The following VEZT variants were observed in gnomAD, a reference collection of about 807,000 sequenced individuals.
VEZT encodes vezatin.
VEZT carries 39 observed loss-of-function variants against 79.9 expected under a neutral mutation model. That is an observed-to-expected ratio of 0.49 (90% CI 0.38 to 0.64). The LOEUF is 0.64. Ranked by LOEUF, VEZT falls within the 30% of genes least tolerant of loss-of-function variation. The pLI, the probability that VEZT is intolerant of heterozygous loss-of-function variation, is 0.00. For synonymous variants in VEZT, 325 were observed against 327.6 expected, an observed-to-expected ratio of 0.99 and a Z score of 0.09; for missense variants, 837 against 893.1, an observed-to-expected ratio of 0.94 and a Z score of 0.80.
At chr12:95,243,732 T>A (rs1304003198) in intron 1 of VEZT, among the ~76,000 whole-genome samples, 6 of 152,174 alleles carry the variant, frequency 3.9e-5, no homozygotes, top group Non-Finnish European at 8.8e-5. Context: ...ATGGGAGGCA[T>A]TTAGGTCACG....
At chr12:95,257,684 T>A (rs921691224) in intron 3 of VEZT, among the ~76,000 whole-genome samples, 3 of 152,174 alleles carry the variant, frequency 2.0e-5, no homozygotes, top group African/African-American at 7.2e-5. Context: ...GGGAAATACT[T>A]CAACCTTCTG....
chr12:95,251,885 A>T, intron 1 of VEZT, 55 bp from the exon 2 acceptor site: 1 of 1,566,048 alleles, frequency 6.4e-7, no homozygotes, highest in South Asian at 1.2e-5. Context: ...TTGGCCCCCG[A>T]AACTTTTGAA....
At chr12:95,281,003 T>C (rs1296061274) in intron 7 of VEZT, among the ~76,000 whole-genome samples, 2 of 152,230 alleles carry the variant, frequency 1.3e-5, no homozygotes, top group Non-Finnish European at 2.9e-5. Context: ...GGCATAATTT[T>C]AAAATTCATT....
chr12:95,284,998 A>G (rs1414535178), intron 8 of VEZT, among the ~76,000 whole-genome samples: 1 of 148,676 alleles, frequency 6.7e-6, no homozygotes, highest in Non-Finnish European at 1.5e-5. Context: ...AGGCAGGAGA[A>G]TGGTGTGAAC....
At chr12:95,263,219 G>A in intron 4 of VEZT, 138 bp downstream of exon 4, 1 of 844,560 alleles carries the variant, frequency 1.2e-6, no homozygotes. Flanking sequence ...CAATATGGGG[G>A]GAAAAAGTGC....
At chr12:95,249,047 A>G (rs533571661) in intron 1 of VEZT, among the ~76,000 whole-genome samples, 1 of 152,154 alleles carries the variant, frequency 6.6e-6, no homozygotes, top group Non-Finnish European at 1.5e-5. Flanking sequence ...CTATAAATAA[A>G]GTTTTATTGG....
intron 4 of VEZT, among the ~76,000 whole-genome samples, chr12:95,265,748 G>A (rs1210561654): frequency 6.6e-6 from 1 of 152,096 alleles, no homozygotes; most frequent in Non-Finnish European, 1.5e-5. Flanking sequence ...AATCTTCACA[G>A]AAGACTTGGT....
intron 3 of VEZT, among the ~76,000 whole-genome samples, chr12:95,257,628 T>G (rs1162458698): frequency 2.6e-5 from 4 of 152,162 alleles, no homozygotes; most frequent in Admixed American, 1.3e-4. Context: ...GTGATTTTTG[T>G]GAGGCTTTGT....
chr12:95,274,270 G>C (rs2067187407), intron 6 of VEZT, among the ~76,000 whole-genome samples: 1 of 152,154 alleles, frequency 6.6e-6, no homozygotes, highest in South Asian at 2.1e-4. Context: ...TTCAAGACCA[G>C]CCTGGACAAC....
intron 4 of VEZT, among the ~76,000 whole-genome samples, 185 bp downstream of exon 4, chr12:95,263,266 G>GA (rs1276049670): frequency 2.0e-5 from 3 of 152,032 alleles, no homozygotes; most frequent in Non-Finnish European, 2.9e-5. Context: ...TGAAGCTAGG[G>GA]AAAAAAATCC....
intron 1 of VEZT, among the ~76,000 whole-genome samples, chr12:95,246,129 CT>C (rs918460725): frequency 1.8e-4 from 26 of 146,966 alleles, no homozygotes; most frequent in South Asian, 2.1e-4. Context: ...TTTTCTTTTT[CT>C]TTTTTTTTTT....
rs2075267629 is a variant in VEZT, at chr12:95,302,023, CT to C, written c.*1351del. The stretch of plus-strand genomic sequence containing the variant: ...ATCCTGGAACTCATCTATAATTAAC[CT>C]CTTCGGAGCAATACCTTAGGTTGGG... On this transcript the variant is annotated 3_prime_UTR_variant, in exon 12 of 12. Coordinates refer to ENST00000436874, the MANE Select transcript of VEZT (RefSeq NM_017599.4). 1 of 152,124 alleles carries C rather than the reference CT, an allele frequency of 6.6e-6. No individual in the cohort carries two copies. The highest frequency in any genetic ancestry group is 6.5e-5 in the Admixed American group (1 of 15,270). 9.4% of individuals were successfully genotyped at this position (152,124 alleles called of 1,614,324 possible).
chr12:95,234,816 GTT>G (rs2059795270), intron 1 of VEZT, among the ~76,000 whole-genome samples: 1 of 152,180 alleles, frequency 6.6e-6, no homozygotes, highest in Non-Finnish European at 1.5e-5. Flanking sequence ...CTTCCGCAGT[GTT>G]TGTGTCCCTG....
chr12:95,289,524 C>A (rs991825769), intron 9 of VEZT, among the ~76,000 whole-genome samples: 8 of 151,580 alleles, frequency 5.3e-5, no homozygotes, highest in South Asian at 2.1e-4. Flanking sequence ...CTATTGTTAA[C>A]CATTACTGTG....
intron 1 of VEZT, among the ~76,000 whole-genome samples, chr12:95,233,882 A>G (rs2136965348): frequency 6.6e-6 from 1 of 152,298 alleles, no homozygotes; most frequent in African/African-American, 2.4e-5. Context: ...TCTTGTATGT[A>G]TATTTGGCAT....
chr12:95,262,015 T>G (rs762070591), intron 3 of VEZT, among the ~76,000 whole-genome samples: 4 of 152,206 alleles, frequency 2.6e-5, no homozygotes, highest in African/African-American at 4.8e-5. Flanking sequence ...CGACTCACAC[T>G]TCCCCAAATT....
intron 9 of VEZT, chr12:95,290,548 A>C (rs546550591): frequency 6.6e-6 from 1 of 152,204 alleles, no homozygotes; most frequent in East Asian, 1.9e-4. Flanking sequence ...AAACCACTAC[A>C]TACTATGTTA....
At chr12:95,294,460 T>C (rs894235096) in intron 10 of VEZT, 88 bp downstream of exon 10, 1 of 1,117,300 alleles carries the variant, frequency 9.0e-7, no homozygotes, top group Non-Finnish European at 1.3e-6. Flanking sequence ...TGAATTTATA[T>C]CAGATCATTA....
At chr12:95,254,743 C>A (rs2063197032) in intron 2 of VEZT, among the ~76,000 whole-genome samples, 2 of 152,190 alleles carry the variant, frequency 1.3e-5, no homozygotes, top group South Asian at 4.1e-4. Context: ...TCCCAAAATT[C>A]TGTTCAAGGA....
Sources: gnomAD v4.1 joint callset for allele counts (sites outside exome capture counted in the v4.1 genomes callset) on GRCh38, gnomAD v4.1.1 for gene constraint, MANE v1.5 for transcripts, NCBI Gene and HGNC (gene_info 2026-07-23, HGNC 2026-07-21) for gene names.